NOL4L: variants seen among roughly 807,000 people sequenced by gnomAD.
NOL4L encodes the protein nucleolar protein 4 like, also known as nucleolar protein 4-like.
NOL4L carries 7 observed loss-of-function variants against 64.5 expected under a neutral mutation model. The ratio of observed to expected loss-of-function variants is 0.11; its 90% CI spans 0.06 to 0.20. The LOEUF (loss-of-function observed/expected upper bound fraction) is 0.20, where lower values mean the gene tolerates loss of function less well. NOL4L is among the 10% of genes least tolerant of loss of function. The pLI is 1.00. For missense variants in NOL4L, 680 were observed against 967.1 expected (o/e 0.70, Z 3.94); for synonymous variants, 413 against 401.0 (o/e 1.03, Z -0.36).
intron 4 of NOL4L, among the ~76,000 whole-genome samples, chr20:32,499,961 A>T (rs1235857930): frequency 6.6e-6 from 1 of 152,126 alleles, no homozygotes; most frequent in South Asian, 2.1e-4. Flanking sequence ...TTTTGGATGG[A>T]AACTTAGTAA....
At chr20:32,502,597 A>G (rs2016967096) in intron 4 of NOL4L, among the ~76,000 whole-genome samples, 1 of 147,420 alleles carries the variant, frequency 6.8e-6, no homozygotes, top group African/African-American at 2.5e-5. Context: ...AAAAAAAAAA[A>G]GTATTCTATC....
rs185608321 is a variant in NOL4L at position 32,539,195 on chromosome 20, G to T, written c.322-11282C>A. On this transcript the variant is annotated intron_variant, in intron 1 of 10. Transcript: ENST00000621426. ...TCCAGCAAAGCACTGGGCACACCCT[G>T]TCACGTGGTTAAGCACGTGAGTTCT... 4.2e-4 allele frequency among the ~76,000 whole-genome samples: 64 copies of T among 152,344 alleles called. 1 individual carries two copies. The South Asian group carries it at 8.9e-3, about 21-fold the overall frequency.
Position 32,464,741 on chromosome 20 carries a change from G to C in NOL4L, c.842-8346C>G, listed in dbSNP as rs1387022673. 4 of 325,662 alleles carry C rather than the reference G, an allele frequency of 1.2e-5. No homozygotes were observed. The highest frequency in any genetic ancestry group is 8.5e-5 in the African/African-American group (4 of 47,124). 20.2% of individuals were successfully genotyped at this position (325,662 alleles called of 1,614,324 possible). A position where few individuals can be genotyped will look rare whatever the true frequency, so the allele number is the denominator to read the frequency against. On this transcript the variant is annotated intron_variant, in intron 5 of 10. Coordinates refer to ENST00000621426, the MANE Select transcript of NOL4L (RefSeq NM_001256798.2). The surrounding 1 kb of genome is among the most constrained non-coding windows in gnomAD (Gnocchi z 5.6). The stretch of plus-strand genomic sequence containing the variant: ...CCGCATGAGGGATTTGAGTGCCCTA[G>C]TACCCACATTTTAAAAAGTAATAAA...
intron 5 of NOL4L, among the ~76,000 whole-genome samples, chr20:32,473,315 C>A (rs1229469958): frequency 1.3e-5 from 2 of 152,186 alleles, no homozygotes; most frequent in Non-Finnish European, 2.9e-5. Flanking sequence ...GGGAGGTCAG[C>A]TGCTGCGCTT....
chr20:32,492,040 G>A (rs1156245206), intron 4 of NOL4L, among the ~76,000 whole-genome samples: 6 of 152,242 alleles, frequency 3.9e-5, no homozygotes, highest in Non-Finnish European at 8.8e-5. Context: ...GAGCCTGGGA[G>A]ATCAAGGCTG....
chr20:32,514,680 A>G (rs1473260527), intron 3 of NOL4L, among the ~76,000 whole-genome samples: 1 of 152,120 alleles, frequency 6.6e-6, no homozygotes, highest in Admixed American at 6.6e-5. Flanking sequence ...TCTTAACCTC[A>G]GTGGGGTTTT....
intron 1 of NOL4L, among the ~76,000 whole-genome samples, chr20:32,568,087 G>A (rs187997096): frequency 6.6e-6 from 1 of 151,384 alleles, no homozygotes; most frequent in East Asian, 1.9e-4. Flanking sequence ...TACCACTATT[G>A]TTACCATTAC....
chr20:32,520,797 G>A lies in NOL4L; in HGVS notation c.589+14C>T, dbSNP rs573040793. The A allele has an allele frequency of 3.2e-4, 482 of 1,511,092 alleles. 6 individuals are homozygous for A. In the South Asian group the frequency reaches 5.5e-3, roughly 17 times the overall value. The allele number at this position is 1,511,092 out of a possible 1,614,324, so 93.6% of individuals were successfully genotyped here. The stretch of plus-strand genomic sequence containing the variant: ...GGCCCCCGCCCTAGCCCTCCAGCAC[G>A]CCACCCCTGCTACCTTTGGGTTCCA... On this transcript the variant is annotated intron_variant, in intron 3 of 10. Transcript: ENST00000621426.
chr20:32,516,414 G>A (rs781451098), intron 3 of NOL4L, among the ~76,000 whole-genome samples: 22 of 152,170 alleles, frequency 1.4e-4, no homozygotes, highest in Non-Finnish European at 2.4e-4. Flanking sequence ...CCAGGCTCAG[G>A]AAACAAGGGT....
At chr20:32,582,130 TGACGG>T (rs1980514383) in intron 1 of NOL4L, 4 of 152,150 alleles carry the variant, frequency 2.6e-5, no homozygotes, top group African/African-American at 9.7e-5. Context: ...GGCAGGTAAC[TGACGG>T]GCTCTCGGGA....
chr20:32,503,835 A>G (rs1275922503), intron 4 of NOL4L, among the ~76,000 whole-genome samples: 1 of 151,866 alleles, frequency 6.6e-6, no homozygotes, highest in African/African-American at 2.4e-5. Flanking sequence ...ACTTTGCCCT[A>G]CTTAATGCTT....
chr20:32,584,494 A>ACCCCCCCCCCCCCC, intron 1 of NOL4L, 76 bp downstream of exon 1: 1 of 1,040,948 alleles, frequency 9.6e-7, no homozygotes, highest in Non-Finnish European at 1.2e-6. Context: ...ACACATCCAC[A>ACCCCCCCCCCCCCC]CCCCCACCCC....
In NOL4L at chr20:32,453,206, G is replaced by C. The variant is rs935715253; in HGVS notation, c.1497+98C>G. ...ATGGTACTTGCTTCCAGGGCTCCTG[G>C]GAAGACCCTGGGTGAAGGGGCCCGG... On this transcript the variant is annotated intron_variant, in intron 8 of 10. Transcript: ENST00000621426. The surrounding 1 kb of genome is among the most constrained non-coding windows in gnomAD (Gnocchi z 5.6). 8 of 1,475,624 alleles carry C rather than the reference G, an allele frequency of 5.4e-6. No homozygotes were observed. The highest frequency in any genetic ancestry group is 1.8e-6 in the Non-Finnish European group (2 of 1,088,680). The allele number at this position is 1,475,624 out of a possible 1,614,324, so 91.4% of individuals were successfully genotyped here. A position where few individuals can be genotyped will look rare whatever the true frequency, so the allele number is the denominator to read the frequency against.
intron 1 of NOL4L, among the ~76,000 whole-genome samples, chr20:32,569,761 G>C (rs1408730489): frequency 6.6e-6 from 1 of 152,162 alleles, no homozygotes; most frequent in Admixed American, 6.5e-5. Flanking sequence ...AGCTCTGAGA[G>C]GGCAGAGATC....
intron 1 of NOL4L, among the ~76,000 whole-genome samples, chr20:32,558,395 T>G (rs1352809266): frequency 6.6e-6 from 1 of 152,178 alleles, no homozygotes; most frequent in African/African-American, 2.4e-5. Flanking sequence ...GCATGAAACA[T>G]TCCGTCATGG....
rs2018783306 is a variant in NOL4L at position 32,550,358 on chromosome 20, G to A, written c.322-22445C>T. Among the ~76,000 whole-genome samples the A allele has an allele frequency of 3.9e-5, 6 of 152,244 alleles. No homozygotes were observed. In the South Asian group the frequency reaches 1.2e-3, roughly 32 times the overall value. The stretch of plus-strand genomic sequence containing the variant: ...GCCTCCCAGGTTCAAGCGATTCTCC[G>A]GCCTCGGCCTCCCGAGTAGCTGGGC... On this transcript the variant is annotated intron_variant, in intron 1 of 10. Coordinates refer to ENST00000621426, the MANE Select transcript of NOL4L (RefSeq NM_001256798.2).
intron 3 of NOL4L, among the ~76,000 whole-genome samples, chr20:32,516,958 T>C (rs948067509): frequency 2.0e-5 from 3 of 152,250 alleles, no homozygotes; most frequent in African/African-American, 7.2e-5. Context: ...AAGGTCCCTT[T>C]CCCCAAGAGC....
chr20:32,551,125 C>T (rs1432123924), intron 1 of NOL4L, among the ~76,000 whole-genome samples: 2 of 152,016 alleles, frequency 1.3e-5, no homozygotes, highest in Non-Finnish European at 2.9e-5. Context: ...CCTGTAATCT[C>T]GGCACTTTGG....
rs888012744 is a variant in NOL4L, at chr20:32,520,859, C to G, written c.541G>C (p.Glu181Gln). Reference protein sequence around the residue: ...AVTRFLMSCTECQKRMHFNSN... With the variant: ...AVTRFLMSCTQCQKRMHFNSN... ...TTAAAGTGCATCCTCTTCTGACACT[C>G]CGTACAGCTCATCAGGAACCGGGTC... The change falls in exon 3 of 11, where the codon GAG (glutamate) becomes CAG (glutamine). Residue 181 changes from glutamate to glutamine, a missense_variant. By Grantham distance (29) the Glu-to-Gln change is conservative. This residue lies in a region of NOL4L where 181 missense variants were observed against 335.2 expected (regional missense o/e 0.54). Transcript: ENST00000621426. 1.3e-6 allele frequency: 2 copies of G among 1,550,682 alleles called. No individual in the cohort carries two copies. The highest frequency in any genetic ancestry group is 2.7e-5 in the African/African-American group (2 of 73,032).
Sources: gnomAD v4.1 joint callset for allele counts (sites outside exome capture counted in the v4.1 genomes callset) on GRCh38, gnomAD v4.1.1 for gene constraint, gnomAD v4.1.1 regional missense constraint, Gnocchi (gnomAD v3.1) non-coding constraint, MANE v1.5 for transcripts, NCBI Gene and HGNC (gene_info 2026-07-23, HGNC 2026-07-21) for gene names.